Variants in DNMT3A observed in about 807,000 individuals in gnomAD.
DNMT3A encodes the protein DNA (cytosine-5)-methyltransferase 3A.
DNMT3A carries 267 observed loss-of-function variants against 117.6 expected under a neutral mutation model. The observed-to-expected ratio is 2.27, with a 90% CI of 2.05 to 2.51. The LOEUF is 2.51. Among genes scored for constraint, DNMT3A ranks in the 30% most tolerant of loss-of-function variants. The pLI is 0.00. For missense variants in DNMT3A, 1,029 were observed against 1,260.2 expected (o/e 0.82, Z 2.78); for synonymous variants, 432 against 474.8 (o/e 0.91, Z 1.17).
At chr2:25,239,486 C>A in intron 19 of DNMT3A, 1 of 595,674 alleles carries the variant, frequency 1.7e-6, no homozygotes, top group Non-Finnish European at 3.3e-6. Flanking sequence ...TGGCCACTAG[C>A]CCACTAGTAC....
intron 1 of DNMT3A, among the ~76,000 whole-genome samples, chr2:25,323,549 A>C (rs1259639126): frequency 6.6e-6 from 1 of 152,192 alleles, no homozygotes; most frequent in Admixed American, 6.5e-5. Context: ...GAGTGGGAGA[A>C]AGAACTTTCC....
At chr2:25,288,524 C>T (rs2032498266) in intron 3 of DNMT3A, among the ~76,000 whole-genome samples, 1 of 151,774 alleles carries the variant, frequency 6.6e-6, no homozygotes, top group South Asian at 2.1e-4. Flanking sequence ...CTTGGCCAGG[C>T]TGGTCTTGAA....
At chr2:25,274,905 A>G in intron 6 of DNMT3A, 36 bp downstream of exon 6, 2 of 1,587,380 alleles carry the variant, frequency 1.3e-6, no homozygotes, top group Non-Finnish European at 1.7e-6. Context: ...CCAGTTCTGC[A>G]GGACGGGCTG....
At chr2:25,242,916 TAATAATA>T (rs1471440476) in intron 16 of DNMT3A, among the ~76,000 whole-genome samples, 1 of 49,622 alleles carries the variant, frequency 2.0e-5, no homozygotes, top group East Asian at 8.1e-4. Flanking sequence ...CTACTTATAA[TAATAATA>T]AAAAAAATAG....
chr2:25,264,420 G>A (rs1289373150), intron 6 of DNMT3A, among the ~76,000 whole-genome samples: 1 of 151,744 alleles, frequency 6.6e-6, no homozygotes, highest in Non-Finnish European at 1.5e-5. Context: ...GATTACAGGC[G>A]TGAGCCACTG....
At chr2:25,334,669 G>A (rs966305999) in intron 1 of DNMT3A, among the ~76,000 whole-genome samples, 2 of 152,210 alleles carry the variant, frequency 1.3e-5, no homozygotes, top group African/African-American at 4.8e-5. Flanking sequence ...CGTGGGCCAG[G>A]GTGCATGCAG....
In DNMT3A at chr2:25,240,670, T is replaced by C; in HGVS notation, c.2143A>G (p.Ile715Val). The C allele has an allele frequency of 1.2e-6, 2 of 1,614,120 alleles. No homozygotes were observed. Among genetic ancestry groups the C allele is most frequent in the Non-Finnish European group, 1.7e-6 (2 of 1,180,000 alleles). The change falls in exon 18 of 23, where the codon ATC becomes GTC. Residue 715 changes from isoleucine (I) to valine (V), a missense_variant. By Grantham distance (29) the Ile-to-Val change is conservative. Coordinates refer to ENST00000321117, the MANE Select transcript of DNMT3A (RefSeq NM_022552.5). ...AGGCCCTTGCGAGCAGGGTTGACGA[T>C]GGAGAGGTCATTGCAGGGACTGCCC... ...IGGSPCNDLS[I>V]VNPARKGLYE...
At chr2:25,287,254 C>T (rs1428626093) in intron 3 of DNMT3A, among the ~76,000 whole-genome samples, 1 of 152,146 alleles carries the variant, frequency 6.6e-6, no homozygotes, top group East Asian at 1.9e-4. Context: ...GCAGGTGCAG[C>T]TGCAGGTGAC....
intron 1 of DNMT3A, among the ~76,000 whole-genome samples, chr2:25,334,966 A>G (rs955886527): frequency 2.6e-5 from 4 of 152,208 alleles, no homozygotes; most frequent in Admixed American, 1.3e-4. Context: ...ACTCAAGTTC[A>G]TTTACATTTT....
chr2:25,322,340 T>C (rs2034627208), intron 1 of DNMT3A, among the ~76,000 whole-genome samples: 1 of 152,076 alleles, frequency 6.6e-6, no homozygotes, highest in Non-Finnish European at 1.5e-5. Context: ...AGCTGAGGCC[T>C]TTCCACCTCT....
At chr2:25,239,678 T>G (rs565065241) in intron 19 of DNMT3A, among the ~76,000 whole-genome samples, 1 of 152,056 alleles carries the variant, frequency 6.6e-6, no homozygotes, top group Admixed American at 6.5e-5. Flanking sequence ...GAGCCCTGAT[T>G]AGAACTCAAA....
rs373999401 is a variant in DNMT3A at position 25,300,274 on chromosome 2, G to C, written c.73-31C>G. 5.0e-6 allele frequency: 8 copies of C among 1,598,996 alleles called. No homozygotes were observed. The African/African-American group carries it at 9.4e-5, about 19-fold the overall frequency. On this transcript the variant is annotated intron_variant, in intron 2 of 22. Transcript: ENST00000321117. The stretch of plus-strand genomic sequence containing the variant: ...GGCACAGACACAGCCTGTGAGGCCA[G>C]AGGTGGATCCCAGCAGTGTAGCATT...
rs375038430 is a variant in DNMT3A at position 25,239,273 on chromosome 2, C to T, written c.2323-58G>A. 4.6e-5 allele frequency: 70 copies of T among 1,512,062 alleles called. No individual in the cohort carries two copies. In the African/African-American group the frequency reaches 8.5e-4, roughly 18 times the overall value. 93.7% of individuals were successfully genotyped at this position (1,512,062 alleles called of 1,614,324 possible). A position where few individuals can be genotyped will look rare whatever the true frequency, so the allele number is the denominator to read the frequency against. The stretch of plus-strand genomic sequence containing the variant: ...AAGGAGGAGCATGAAACAGCGCCGG[C>T]ATGCTGCTGGGGTCGAGCCTTAAAG... On this transcript the variant is annotated intron_variant, in intron 19 of 22. Coordinates refer to ENST00000321117, the MANE Select transcript of DNMT3A (RefSeq NM_022552.5).
At chr2:25,280,373 C>T (rs1447971654) in intron 4 of DNMT3A, among the ~76,000 whole-genome samples, 3 of 139,316 alleles carry the variant, frequency 2.2e-5, no homozygotes, top group Non-Finnish European at 3.1e-5. Flanking sequence ...CCTGTCTGCC[C>T]CAGCACTTTC....
chr2:25,252,151 C>G lies in DNMT3A; in HGVS notation c.640-3899G>C. The G allele has an allele frequency of 6.4e-7, 1 of 1,550,564 alleles. No homozygotes were observed. The highest frequency in any genetic ancestry group is 8.7e-7 in the Non-Finnish European group (1 of 1,148,676). On this transcript the variant is annotated intron_variant, in intron 6 of 22. Coordinates refer to ENST00000321117, the MANE Select transcript of DNMT3A (RefSeq NM_022552.5). The surrounding 1 kb of genome is among the most constrained non-coding windows in gnomAD (Gnocchi z 5.5). ...GAGATCCTCCCACCGGCCCTGCCGC[C>G]TCCCCGCCCCCGGTCTCCCCGGGGC...
intron 1 of DNMT3A, among the ~76,000 whole-genome samples, chr2:25,333,064 G>T (rs986696887): frequency 2.6e-5 from 4 of 152,216 alleles, no homozygotes; most frequent in African/African-American, 9.6e-5. Context: ...AAAGGTACAG[G>T]CAAATCCTGG....
chr2:25,239,502 G>A (rs747350283), intron 19 of DNMT3A: 68 of 583,614 alleles, frequency 1.2e-4, no homozygotes, highest in Non-Finnish European at 2.0e-4. Flanking sequence ...AGTACAGGTG[G>A]CTATTTTGTA....
intron 16 of DNMT3A, chr2:25,242,128 T>C (rs1674144715): frequency 5.2e-6 from 1 of 193,440 alleles, no homozygotes; most frequent in African/African-American, 2.4e-5. Flanking sequence ...AAAGGTTTCA[T>C]AAATGCCCTG....
At chr2:25,310,100 C>T (rs13036246) in intron 2 of DNMT3A, among the ~76,000 whole-genome samples, 66,898 of 151,918 alleles carry the variant, frequency 0.44, 15,305 homozygotes, top group Non-Finnish European at 0.51. Context: ...ACATAGCACC[C>T]GGCAGTCGGC....
Sources: allele counts gnomAD v4.1 joint callset (sites outside exome capture counted in the v4.1 genomes callset), GRCh38; gene constraint gnomAD v4.1.1; non-coding constraint Gnocchi (gnomAD v3.1); transcripts MANE v1.5; gene names NCBI Gene and HGNC (gene_info 2026-07-23, HGNC 2026-07-21).